The following KIAA1217 variants were observed in gnomAD, a reference collection of about 807,000 sequenced individuals.
The protein encoded by KIAA1217 is KIAA1217.
Under a neutral mutation model 163.9 loss-of-function variants are expected in KIAA1217, and 88 were observed. That is an observed-to-expected ratio of 0.54 (90% CI 0.45 to 0.64). The LOEUF (loss-of-function observed/expected upper bound fraction) is 0.64, where lower values mean the gene tolerates loss of function less well. Ranked by LOEUF, KIAA1217 falls within the 30% of genes least tolerant of loss-of-function variation. The pLI is 0.00. For synonymous variants in KIAA1217, 903 were observed against 923.1 expected, an observed-to-expected ratio of 0.98 and a Z score of 0.39; for missense variants, 2,372 against 2,475.0, an observed-to-expected ratio of 0.96 and a Z score of 0.88.
At chr10:23,723,351 A>T (rs1361690678) in intron 1 of KIAA1217, among the ~76,000 whole-genome samples, 1 of 151,822 alleles carries the variant, frequency 6.6e-6, no homozygotes, top group Non-Finnish European at 1.5e-5. Flanking sequence ...ACTTATTCCC[A>T]TTCCTTCTCT....
At chr10:23,942,282 A>G (rs910324414) in intron 1 of KIAA1217, among the ~76,000 whole-genome samples, 1 of 152,184 alleles carries the variant, frequency 6.6e-6, no homozygotes, top group East Asian at 1.9e-4. Flanking sequence ...TTCTATAAAT[A>G]TATTTAAGAA....
intron 2 of KIAA1217, among the ~76,000 whole-genome samples, chr10:24,329,883 T>A (rs746511313): frequency 3.9e-5 from 6 of 152,198 alleles, no homozygotes; most frequent in Non-Finnish European, 5.9e-5. Flanking sequence ...CTTATGGGGT[T>A]GCCTAAAATA....
At chr10:24,054,249 A>G (rs565269271) in intron 2 of KIAA1217, among the ~76,000 whole-genome samples, 1 of 152,338 alleles carries the variant, frequency 6.6e-6, no homozygotes, top group South Asian at 2.1e-4. Context: ...AGCTATAAGC[A>G]TTCAAGAGGA....
At chr10:24,217,946 G>C (rs1488549924) in intron 1 of KIAA1217, among the ~76,000 whole-genome samples, 1 of 152,170 alleles carries the variant, frequency 6.6e-6, no homozygotes, top group Non-Finnish European at 1.5e-5. Context: ...ATGACACTGA[G>C]AGAGGTCACA....
At chr10:24,263,869 T>C (rs939922014) in intron 2 of KIAA1217, among the ~76,000 whole-genome samples, 1 of 152,184 alleles carries the variant, frequency 6.6e-6, no homozygotes, top group Non-Finnish European at 1.5e-5. Context: ...TTTTTTATTT[T>C]TTTTTGAGAC....
Position 24,501,460 on chromosome 10 carries a change from C to A in KIAA1217, c.1916C>A (p.Thr639Asn). 1 of 1,614,102 alleles carries A rather than the reference C, an allele frequency of 6.2e-7. No homozygotes were observed. Among genetic ancestry groups the A allele is most frequent in the Non-Finnish European group, 8.5e-7 (1 of 1,180,014 alleles). Residue 639 changes from threonine (T) to asparagine (N), a missense_variant, in exon 9 of 21, where the codon ACC becomes AAC. By Grantham distance (65) the Thr-to-Asn change is moderately conservative. Coordinates refer to ENST00000376454, the MANE Select transcript of KIAA1217 (RefSeq NM_019590.5). ...CCCAGCCAGCCTCCACCTGTGGGCA[C>A]CTCAGCCATCCACATGAGCCTGCTT... ...VPPSQPPPVG[T>N]SAIHMSLLEM...
intron 3 of KIAA1217, among the ~76,000 whole-genome samples, chr10:24,387,089 G>GGCAC (rs2054114780): frequency 6.6e-6 from 1 of 152,122 alleles, no homozygotes; most frequent in Non-Finnish European, 1.5e-5. Flanking sequence ...AGAGCAGGCA[G>GGCAC]ACACACAACA....
chr10:23,869,619 T>G (rs1840364326), intron 1 of KIAA1217, among the ~76,000 whole-genome samples: 1 of 152,116 alleles, frequency 6.6e-6, no homozygotes, highest in African/African-American at 2.4e-5. Flanking sequence ...CTTACAGTTG[T>G]AACGCAGATA....
At chr10:24,031,990 T>C (rs1848207768) in intron 2 of KIAA1217, among the ~76,000 whole-genome samples, 1 of 152,202 alleles carries the variant, frequency 6.6e-6, no homozygotes, top group African/African-American at 2.4e-5. Context: ...AGGATTTCTA[T>C]AGGTAGCTCA....
At chr10:24,154,721 C>T (rs993504598) in intron 2 of KIAA1217, among the ~76,000 whole-genome samples, 4 of 151,974 alleles carry the variant, frequency 2.6e-5, no homozygotes, top group African/African-American at 7.3e-5. Flanking sequence ...CTAAAAAATA[C>T]AAAAATTAGC....
At chr10:24,130,747 A>G (rs1424015878) in intron 2 of KIAA1217, among the ~76,000 whole-genome samples, 1 of 152,176 alleles carries the variant, frequency 6.6e-6, no homozygotes, top group Non-Finnish European at 1.5e-5. Flanking sequence ...ATAACTATCA[A>G]ATTTACTGTG....
At chr10:24,532,431 A>G (rs2073259840) in intron 15 of KIAA1217, among the ~76,000 whole-genome samples, 1 of 152,210 alleles carries the variant, frequency 6.6e-6, no homozygotes, top group African/African-American at 2.4e-5. Context: ...CAATTTCCAA[A>G]GAGATGCAGT....
intron 2 of KIAA1217, among the ~76,000 whole-genome samples, chr10:24,317,560 G>A (rs2043559632): frequency 6.6e-6 from 1 of 152,170 alleles, no homozygotes; most frequent in Non-Finnish European, 1.5e-5. Flanking sequence ...TAATAGGTTT[G>A]GTGGAAGATC....
chr10:23,761,864 C>G (rs1370788804), intron 1 of KIAA1217, among the ~76,000 whole-genome samples: 5 of 151,680 alleles, frequency 3.3e-5, no homozygotes, highest in Non-Finnish European at 7.4e-5. Flanking sequence ...ACATTCCTAG[C>G]TAGACTAATA....
At chr10:23,851,320 A>G (rs1588947357) in intron 1 of KIAA1217, among the ~76,000 whole-genome samples, 1 of 152,124 alleles carries the variant, frequency 6.6e-6, no homozygotes, top group East Asian at 1.9e-4. Context: ...AATTTCATCC[A>G]TGTCCCTACA....
Position 24,193,475 on chromosome 10 carries a change from C to T in KIAA1217, c.-170-26151C>T, listed in dbSNP as rs150583227. On this transcript the variant is annotated intron_variant, in intron 2 of 18. Coordinates refer to the KIAA1217 transcript ENST00000376462. ...GGGGTCTTTGCTGTCCTATCTCTGG[C>T]GATCTGTCCTGCTCAGCTATAAACA... Among the ~76,000 whole-genome samples, 9 of 152,242 alleles carry T rather than the reference C, an allele frequency of 5.9e-5. No homozygotes were observed. The East Asian group carries it at 1.4e-3, about 23-fold the overall frequency.
At chr10:24,331,357 G>A (rs1199341737) in intron 2 of KIAA1217, among the ~76,000 whole-genome samples, 3 of 152,222 alleles carry the variant, frequency 2.0e-5, no homozygotes, top group Non-Finnish European at 2.9e-5. Context: ...AAAGATGTTA[G>A]GATGCCTTAG....
intron 2 of KIAA1217, among the ~76,000 whole-genome samples, chr10:24,137,257 T>C (rs1398882431): frequency 1.3e-5 from 2 of 152,186 alleles, no homozygotes; most frequent in Non-Finnish European, 2.9e-5. Context: ...GCAAGACCCA[T>C]AGTTCCCCCT....
At chr10:23,752,177 G>A (rs185395405) in intron 1 of KIAA1217, among the ~76,000 whole-genome samples, 2 of 152,132 alleles carry the variant, frequency 1.3e-5, no homozygotes, top group African/African-American at 2.4e-5. Flanking sequence ...GAATTTCACT[G>A]TGAACATTTT....
Sources: gnomAD v4.1 joint callset for allele counts (sites outside exome capture counted in the v4.1 genomes callset) on GRCh38, gnomAD v4.1.1 for gene constraint, MANE v1.5 for transcripts, NCBI Gene and HGNC (gene_info 2026-07-23, HGNC 2026-07-21) for gene names.